SMTN: variants seen among roughly 807,000 people sequenced by gnomAD.
SMTN encodes the protein smoothelin.
A neutral mutation model predicts 102.0 loss-of-function variants in SMTN; 58 were observed. The observed-to-expected ratio is 0.57, with a 90% CI of 0.46 to 0.71. The LOEUF is 0.71. SMTN is among the 30% of genes least tolerant of loss of function. The probability of loss-of-function intolerance (pLI) is 0.00; values close to 1 mark genes in which losing one functional copy is unlikely to be tolerated. For missense variants in SMTN, 1,185 were observed against 1,241.7 expected (o/e 0.95, Z 0.69); for synonymous variants, 478 against 497.9 (o/e 0.96, Z 0.53).
chr22:31,095,231 C>T lies in SMTN; in HGVS notation c.1633-72C>T. 2 of 1,502,922 alleles carry T rather than the reference C, an allele frequency of 1.3e-6. No individual in the cohort carries two copies. The highest frequency in any genetic ancestry group is 1.4e-5 in the African/African-American group (1 of 72,332). The allele number at this position is 1,502,922 out of a possible 1,614,324, so 93.1% of individuals were successfully genotyped here. On this transcript the variant is annotated intron_variant, in intron 11 of 20. Transcript: ENST00000333137. The surrounding 1 kb of genome is among the most constrained non-coding windows in gnomAD (Gnocchi z 4.1). ...GCCAGCAACCCTAGGATCTGCTTCC[C>T]TATCCATTGGAGACATGATGAGTTT... is the stretch of plus-strand genomic sequence containing the variant.
chr22:31,089,802 G>C lies in SMTN; in HGVS notation c.575G>C (p.Arg192Pro), dbSNP rs370156932. Residue 192 changes from arginine to proline, a missense_variant, in exon 7 of 21, where the codon CGA (arginine) becomes CCA (proline). This residue lies in a region of SMTN where 1,096 missense variants were observed against 1,112.7 expected (regional missense o/e 0.98). Coordinates refer to ENST00000333137, the MANE Select transcript of SMTN (RefSeq NM_134269.3). ...QDVTTVTLLLRAPPGSTSSSP... is the reference protein window; with the variant it reads ...QDVTTVTLLLPAPPGSTSSSP... ...GTGACCACAGTGACACTCCTGCTGC[G>C]AGCCCCACCTGGGAGCACATCCAGC... 1 of 1,613,264 alleles carries C rather than the reference G, an allele frequency of 6.2e-7. No homozygotes were observed. Among genetic ancestry groups the C allele is most frequent in the Non-Finnish European group, 8.5e-7 (1 of 1,179,942 alleles).
intron 16 of SMTN, 132 bp downstream of exon 16, chr22:31,097,470 G>A (rs979350155): frequency 4.9e-5 from 38 of 783,038 alleles, no homozygotes; most frequent in South Asian, 4.4e-5. Context: ...TTGGGAGGCC[G>A]AGGTGGGCGG....
At chr22:31,082,479 C>T (rs1429969086) in intron 1 of SMTN, 3 of 474,536 alleles carry the variant, frequency 6.3e-6, no homozygotes, top group Non-Finnish European at 1.3e-5. Context: ...TTCCTCCTTG[C>T]TCAGTGACAA....
chr22:31,099,535 C>T (rs1008399095), intron 18 of SMTN: 32 of 603,910 alleles, frequency 5.3e-5, no homozygotes, highest in Non-Finnish European at 8.4e-5. Flanking sequence ...TGGCGCTGGG[C>T]CTCTCAGTAG....
At position 31,104,485 on chromosome 22, in the gene SMTN, C is replaced by CA; in HGVS notation, c.*191dup. The CA allele has an allele frequency of 6.2e-7, 1 of 1,608,772 alleles. No homozygotes were observed. Among genetic ancestry groups the CA allele is most frequent in the Non-Finnish European group, 8.5e-7 (1 of 1,179,182 alleles). On this transcript the variant is annotated 3_prime_UTR_variant, in exon 21 of 21. Transcript: ENST00000333137. Reference sequence around the variant, plus strand: ...TGTCTAGCCTGCCCGCCCGCATGGCCAGCCAGTGGCAAGCTGCCGCCCCCA... The same window carrying CA: ...TGTCTAGCCTGCCCGCCCGCATGGCCAAGCCAGTGGCAAGCTGCCGCCCCCA...
intron 16 of SMTN, 41 bp from the exon 17 acceptor site, chr22:31,098,626 C>T: frequency 6.2e-7 from 1 of 1,600,536 alleles, no homozygotes; most frequent in Non-Finnish European, 8.5e-7. Flanking sequence ...TGGGGAGCAG[C>T]CCTGCTCTCC....
intron 20 of SMTN, 30 bp downstream of exon 20, chr22:31,101,079 C>G: frequency 3.2e-6 from 5 of 1,561,878 alleles, no homozygotes; most frequent in Non-Finnish European, 4.3e-6. Flanking sequence ...CCACCTGCCC[C>G]GTTTCACCAG....
chr22:31,100,850 T>A, intron 19 of SMTN, 35 bp from the exon 20 acceptor site: 8 of 636,298 alleles, frequency 1.3e-5, no homozygotes, highest in East Asian at 4.7e-5. Flanking sequence ...CCTGCCCCCG[T>A]CCCCCACCCC....
intron 1 of SMTN, among the ~76,000 whole-genome samples, chr22:31,075,475 G>A (rs1316909068): frequency 6.6e-6 from 1 of 152,100 alleles, no homozygotes; most frequent in Non-Finnish European, 1.5e-5. Context: ...CAGTTCAGGA[G>A]TTCAAGACCA....
At chr22:31,084,108 TC>T (rs2042495444) in intron 2 of SMTN, among the ~76,000 whole-genome samples, 1 of 152,110 alleles carries the variant, frequency 6.6e-6, no homozygotes, top group Admixed American at 6.6e-5. Flanking sequence ...GCCCACTCCA[TC>T]CCCTTTCTTG....
rs995273211 is a variant in SMTN, at chr22:31,099,747, C to T, written c.2454C>T (p.His818=). The stretch of plus-strand genomic sequence containing the variant: ...ACCAGTCCTCCTACGGCTTATAGCA[C>T]GTCGACATCCAGAACTTCTCCTCCA... ...WCRAKTRGYE[H]VDIQNFSSSW... is the part of the protein sequence containing the mutation. Residue 818 remains histidine, a splice_region_variant and synonymous_variant, in exon 19 of 21, where the codon CAC becomes CAT. Coordinates refer to ENST00000333137, the MANE Select transcript of SMTN (RefSeq NM_134269.3). 10 of 1,613,716 alleles carry T rather than the reference C, an allele frequency of 6.2e-6. No individual in the cohort carries two copies. The highest frequency in any genetic ancestry group is 4.0e-5 in the African/African-American group (3 of 74,918).
At position 31,104,526 on chromosome 22, in the gene SMTN, C is replaced by G; in HGVS notation, c.*231C>G. On this transcript the variant is annotated 3_prime_UTR_variant, in exon 21 of 21. Coordinates refer to ENST00000333137, the MANE Select transcript of SMTN (RefSeq NM_134269.3). ...GCCGCCCCCACTCTCCGGGCACCGT[C>G]TCCTGCCTGTGCGTCCGCCCACCGC... is the stretch of plus-strand genomic sequence containing the variant. 8.9e-6 allele frequency: 14 copies of G among 1,578,490 alleles called. No homozygotes were observed. Among genetic ancestry groups the G allele is most frequent in the Non-Finnish European group, 1.1e-5 (13 of 1,158,732 alleles).
intron 2 of SMTN, among the ~76,000 whole-genome samples, chr22:31,083,747 AC>A (rs2042469620): frequency 6.6e-6 from 1 of 152,182 alleles, no homozygotes; most frequent in Admixed American, 6.5e-5. Flanking sequence ...CAGAATAATC[AC>A]AGCAGCTCTG....
chr22:31,089,216 G>A (rs1459790569), intron 6 of SMTN, among the ~76,000 whole-genome samples: 1 of 152,144 alleles, frequency 6.6e-6, no homozygotes, highest in African/African-American at 2.4e-5. Flanking sequence ...TGGCTTATGG[G>A]GCCTGCATGT....
chr22:31,074,645 C>A (rs1054840232), intron 1 of SMTN, among the ~76,000 whole-genome samples: 1 of 152,124 alleles, frequency 6.6e-6, no homozygotes. Context: ...TATAACTTAG[C>A]CAGGCGTGGT....
chr22:31,088,136 T>C (rs1258288846), intron 3 of SMTN, 23 bp downstream of exon 3: 2 of 1,573,580 alleles, frequency 1.3e-6, no homozygotes, highest in South Asian at 1.2e-5. Flanking sequence ...GGGTGGAACA[T>C]GCGGGTGAGA....
chr22:31,082,925 G>A (rs1182284709), intron 1 of SMTN: 3 of 1,539,466 alleles, frequency 1.9e-6, no homozygotes, highest in South Asian at 1.2e-5. Context: ...GACAGGATGA[G>A]AGTCCATCCC....
upstream of SMTN, among the ~76,000 whole-genome samples, chr22:31,078,735 T>C (rs1173517123): frequency 1.3e-5 from 2 of 152,198 alleles, no homozygotes; most frequent in East Asian, 3.8e-4. Context: ...AAAAATTAGC[T>C]GGGCGTGGTG....
rs758139056 is a variant in SMTN at position 31,095,268 on chromosome 22, C to T, written c.1633-35C>T. On this transcript the variant is annotated intron_variant, in intron 11 of 20. Coordinates refer to ENST00000333137, the MANE Select transcript of SMTN (RefSeq NM_134269.3). The surrounding 1 kb of genome is among the most constrained non-coding windows in gnomAD (Gnocchi z 4.1). ...GACATGATGAGTTTCACCCATACCC[C>T]TGCTTAAAGTCCATGCCCTCTCCCC... 5 of 1,609,084 alleles carry T rather than the reference C, an allele frequency of 3.1e-6. No individual in the cohort carries two copies. In the Admixed American group the frequency reaches 8.4e-5, roughly 27 times the overall value.
Sources: gnomAD v4.1 joint callset for allele counts (sites outside exome capture counted in the v4.1 genomes callset) on GRCh38, gnomAD v4.1.1 for gene constraint, gnomAD v4.1.1 regional missense constraint, Gnocchi (gnomAD v3.1) non-coding constraint, MANE v1.5 for transcripts, NCBI Gene and HGNC (gene_info 2026-07-23, HGNC 2026-07-21) for gene names.